Variants in LMNTD1 observed in about 807,000 individuals in gnomAD.
LMNTD1 encodes lamin tail domain-containing protein 1.
Under a neutral mutation model 50.9 loss-of-function variants are expected in LMNTD1, and 35 were observed. The observed-to-expected ratio is 0.69, with a 90% CI of 0.53 to 0.91. The LOEUF is 0.91. LMNTD1 is among the 40% of genes least tolerant of loss of function. The pLI, the probability that LMNTD1 is intolerant of heterozygous loss-of-function variation, is 0.00. For missense variants in LMNTD1, 470 were observed against 475.5 expected, an observed-to-expected ratio of 0.99 and a Z score of 0.11; for synonymous variants, 153 against 161.9, an observed-to-expected ratio of 0.94 and a Z score of 0.42.
intron 1 of LMNTD1, among the ~76,000 whole-genome samples, chr12:25,611,064 A>G (rs1946230796): frequency 6.6e-6 from 1 of 152,182 alleles, no homozygotes; most frequent in Non-Finnish European, 1.5e-5. Context: ...AAGTGAAGAG[A>G]ACGAAGAGAA....
intron 1 of LMNTD1, among the ~76,000 whole-genome samples, chr12:25,569,859 G>A (rs1944715032): frequency 6.6e-6 from 1 of 152,152 alleles, no homozygotes; most frequent in Non-Finnish European, 1.5e-5. Context: ...TTTCTGTGCA[G>A]CCTGCAAAAC....
At chr12:25,595,117 T>G (rs1286620092) in intron 1 of LMNTD1, among the ~76,000 whole-genome samples, 1 of 151,456 alleles carries the variant, frequency 6.6e-6, no homozygotes, top group Admixed American at 6.6e-5. Flanking sequence ...ATGAGATAGA[T>G]GGCAACACAA....
Position 25,520,139 on chromosome 12 carries a change from GATATACATATATATATATATATATAT to G in LMNTD1, c.799-90_799-65del, listed in dbSNP as rs1211399848. The G allele has an allele frequency of 4.7e-5, 7 of 150,398 alleles. No homozygotes were observed. In the East Asian group the frequency reaches 7.3e-4, roughly 16 times the overall value. 9.3% of individuals were successfully genotyped at this position (150,398 alleles called of 1,614,324 possible). A position where few individuals can be genotyped will look rare whatever the true frequency, so the allele number is the denominator to read the frequency against. On this transcript the variant is annotated intron_variant, in intron 6 of 9. Transcript: ENST00000458174. ...TGAGGTTTACAACATGCTGTTATGA[GATATACATATATATATATATATATAT>G]ATATATATATAGTAAAATGGTTACT...
At chr12:25,497,803 A>G (rs930443287) in intron 9 of LMNTD1, 1 of 152,150 alleles carries the variant, frequency 6.6e-6, no homozygotes, top group East Asian at 1.9e-4. Context: ...ATCTGAAAAA[A>G]AAAAAATGCA....
rs550284618 is a variant in LMNTD1 at position 25,489,003 on chromosome 12, G to C, written c.*23-12543C>G. Among the ~76,000 whole-genome samples the C allele has an allele frequency of 2.0e-5, 3 of 152,294 alleles. No individual in the cohort carries two copies. The South Asian group carries it at 6.2e-4, about 32-fold the overall frequency. On this transcript the variant is annotated intron_variant, in intron 9 of 9. Transcript: ENST00000458174. ...TGCCCGTTCTCAGATCTCCAGCTGT[G>C]TGCTGGGAGAACCACTGCTCTCTTC...
chr12:25,539,870 C>T lies in LMNTD1; in HGVS notation c.491+6504G>A, dbSNP rs528196374. Among the ~76,000 whole-genome samples, 54 of 151,098 alleles carry T rather than the reference C, an allele frequency of 3.6e-4. No individual in the cohort carries two copies. In the East Asian group the frequency reaches 7.2e-3, roughly 20 times the overall value. On this transcript the variant is annotated intron_variant, in intron 4 of 9. Transcript: ENST00000458174. ...AAAAGAGAGAAGAATCAAATAGACG[C>T]AATAAAAAATCATAAAGGGGATATC... is the stretch of plus-strand genomic sequence containing the variant.
At chr12:25,487,646 TA>T in intron 9 of LMNTD1, among the ~76,000 whole-genome samples, 1 of 129,604 alleles carries the variant, frequency 7.7e-6, no homozygotes, top group East Asian at 3.3e-4. Flanking sequence ...TTAAAGTTAA[TA>T]TTGTTATGTG....
chr12:25,568,463 A>G (rs1944650454), intron 1 of LMNTD1, among the ~76,000 whole-genome samples: 1 of 152,244 alleles, frequency 6.6e-6, no homozygotes, highest in Admixed American at 6.5e-5. Context: ...ACACAAGTGG[A>G]CTGCAGAACA....
intron 1 of LMNTD1, among the ~76,000 whole-genome samples, chr12:25,560,857 G>A (rs564337373): frequency 6.6e-6 from 1 of 152,286 alleles, no homozygotes; most frequent in South Asian, 2.1e-4. Context: ...GTATAGGAAT[G>A]CTTGTGATTT....
At chr12:25,531,688 TAG>T (rs1445319768) in intron 4 of LMNTD1, among the ~76,000 whole-genome samples, 1 of 152,220 alleles carries the variant, frequency 6.6e-6, no homozygotes, top group East Asian at 1.9e-4. Context: ...TGTCTTTCAT[TAG>T]TCTGGGAAAA....
intron 9 of LMNTD1, among the ~76,000 whole-genome samples, chr12:25,482,394 T>C (rs1938474001): frequency 6.6e-6 from 1 of 151,990 alleles, no homozygotes; most frequent in Non-Finnish European, 1.5e-5. Flanking sequence ...AGATAGTCCA[T>C]CTACTTTCAT....
intron 1 of LMNTD1, among the ~76,000 whole-genome samples, chr12:25,573,023 C>G (rs2136367341): frequency 6.6e-6 from 1 of 151,998 alleles, no homozygotes; most frequent in East Asian, 1.9e-4. Context: ...TGATTAATCC[C>G]TCTTCTGTTT....
At chr12:25,557,992 A>G (rs574601747), upstream of LMNTD1, among the ~76,000 whole-genome samples, 65 of 152,358 alleles carry the variant, frequency 4.3e-4, no homozygotes, top group Non-Finnish European at 7.5e-4. Flanking sequence ...ATTATTCAAC[A>G]TAACAGCCAA....
At chr12:25,483,768 A>G (rs1591816499) in intron 9 of LMNTD1, among the ~76,000 whole-genome samples, 1 of 33,136 alleles carries the variant, frequency 3.0e-5, no homozygotes. Flanking sequence ...GTGACATTCC[A>G]TCTCAAAAAA....
At chr12:25,636,298 A>AAC (rs1362651089) in intron 1 of LMNTD1, among the ~76,000 whole-genome samples, 1 of 151,886 alleles carries the variant, frequency 6.6e-6, no homozygotes, top group Admixed American at 6.6e-5. Flanking sequence ...GATTAAAAAA[A>AAC]ACATCCCATC....
chr12:25,492,359 C>T (rs890076903), intron 9 of LMNTD1, among the ~76,000 whole-genome samples: 16 of 152,228 alleles, frequency 1.1e-4, no homozygotes, highest in Middle Eastern at 3.4e-3. Context: ...ATTTTCATAG[C>T]GGAGATGGAA....
chr12:25,537,617 T>C (rs1034329620), intron 4 of LMNTD1, among the ~76,000 whole-genome samples: 2 of 151,192 alleles, frequency 1.3e-5, no homozygotes, highest in African/African-American at 4.9e-5. Context: ...ACCACAAAGA[T>C]GGGGAAAAAA....
At chr12:25,646,173 G>C (rs1395792965) in intron 1 of LMNTD1, among the ~76,000 whole-genome samples, 1 of 152,062 alleles carries the variant, frequency 6.6e-6, no homozygotes, top group Non-Finnish European at 1.5e-5. Context: ...GGATGGCATT[G>C]TTCAAGATGG....
At chr12:25,484,583 C>T (rs912293247) in intron 9 of LMNTD1, among the ~76,000 whole-genome samples, 4 of 150,700 alleles carry the variant, frequency 2.7e-5, no homozygotes, top group Admixed American at 6.6e-5. Flanking sequence ...ATACATGTGC[C>T]GTGCTGGTGC....
Sources: gnomAD v4.1 joint callset for allele counts (sites outside exome capture counted in the v4.1 genomes callset) on GRCh38, gnomAD v4.1.1 for gene constraint, MANE v1.5 for transcripts, NCBI Gene and HGNC (gene_info 2026-07-23, HGNC 2026-07-21) for gene names.